ANKRD53: variants seen among roughly 807,000 people sequenced by gnomAD.
ANKRD53 encodes ankyrin repeat domain-containing protein 53.
In ANKRD53, 27 loss-of-function variants were observed where a neutral mutation model predicts 30.1. That is an observed-to-expected ratio of 0.90 (90% CI 0.66 to 1.24). ANKRD53 has a LOEUF of 1.24. Ranked by LOEUF, ANKRD53 falls within the 50% of genes most tolerant of loss-of-function variation. The pLI is 0.00. For synonymous variants in ANKRD53, 286 were observed against 295.4 expected (o/e 0.97, Z 0.33); for missense variants, 682 against 721.0 (o/e 0.95, Z 0.62).
At position 70,982,439 on chromosome 2, in the gene ANKRD53, G is replaced by C; in HGVS notation, c.783-138G>C. Reference sequence around the variant, plus strand: ...GGGAGCCAGAGGGCCCCGGGCAATGGGGATGGCTCATCTTGCTCCTCTCCC... The same window carrying C: ...GGGAGCCAGAGGGCCCCGGGCAATGCGGATGGCTCATCTTGCTCCTCTCCC... On this transcript the variant is annotated intron_variant, in intron 4 of 5. Transcript: ENST00000360589. This position sits in a 1 kb window ranked among gnomAD's most constrained non-coding sequence, Gnocchi z 4.2. The C allele has an allele frequency of 8.0e-7, 1 of 1,252,558 alleles. No homozygotes were observed. Among genetic ancestry groups the C allele is most frequent in the Non-Finnish European group, 1.1e-6 (1 of 902,826 alleles). The allele number at this position is 1,252,558 out of a possible 1,614,324, so 77.6% of individuals were successfully genotyped here.
At chr2:70,979,420 G>A in intron 2 of ANKRD53, 77 bp downstream of exon 2, 2 of 1,590,228 alleles carry the variant, frequency 1.3e-6, no homozygotes, top group East Asian at 2.3e-5. Flanking sequence ...CTGGAGAAGA[G>A]ATATCCTTTT....
intron 5 of ANKRD53, chr2:70,983,997 AGTTG>A (rs1229589729): frequency 2.5e-6 from 2 of 815,906 alleles, no homozygotes; most frequent in East Asian, 2.5e-5. Flanking sequence ...AGCTAGATTG[AGTTG>A]CTGCCACCGG....
Position 70,981,970 on chromosome 2 carries a change from G to A in ANKRD53, c.652G>A (p.Ala218Thr). 1 of 1,608,560 alleles carries A rather than the reference G, an allele frequency of 6.2e-7. No homozygotes were observed. The highest frequency in any genetic ancestry group is 8.5e-7 in the Non-Finnish European group (1 of 1,177,242). The change falls in exon 4 of 6, where the codon GCA becomes ACA. Residue 218 changes from alanine to threonine, a missense_variant. Ala to Thr is a moderately conservative substitution (Grantham distance 58). Transcript: ENST00000360589. Reference sequence around the variant, plus strand: ...CAACGGCTCCACGCCCCTGCACCTGGCAGCCCGTGACGGCTTGCTGGACTG... The same window carrying A: ...CAACGGCTCCACGCCCCTGCACCTGACAGCCCGTGACGGCTTGCTGGACTG... ...TCNGSTPLHL[A>T]ARDGLLDCVK...
At chr2:70,984,205 T>C (rs1553424179) in intron 5 of ANKRD53, 1 of 1,614,224 alleles carries the variant, frequency 6.2e-7, no homozygotes, top group Non-Finnish European at 8.5e-7. Context: ...ATTTCTCTAC[T>C]ATCAGACTGT....
intron 2 of ANKRD53, 141 bp downstream of exon 2, chr2:70,979,484 G>T: frequency 1.4e-6 from 2 of 1,478,490 alleles, no homozygotes; most frequent in South Asian, 2.7e-5. Context: ...GGACCATTTT[G>T]GGGGCAGGGA....
In ANKRD53 at chr2:70,979,253, C is replaced by CT. The variant is rs1553423049; in HGVS notation, c.328dup (p.Tyr110LeufsTer65). ...TCGACCAGACGGCGATCGGGAGCTA[C>CT]TACCAGCTGTTCGCAGCGGCTGTGG... On this transcript the variant is annotated frameshift_variant, in exon 2 of 6. Transcript: ENST00000360589. LOFTEE classifies it high-confidence loss of function. 6.2e-7 allele frequency: 1 copy of CT among 1,613,716 alleles called. No individual in the cohort carries two copies. Among genetic ancestry groups the CT allele is most frequent in the Non-Finnish European group, 8.5e-7 (1 of 1,180,026 alleles).
In ANKRD53 at chr2:70,984,679, C is replaced by T. The variant is rs61750014; in HGVS notation, c.972C>T (p.His324=). The change falls in exon 6 of 6, where the codon CAC becomes CAT. Residue 324 remains histidine, a synonymous_variant. Transcript: ENST00000360589. ...TCCACGGCAAGCTGCACCCAGGCCA[C>T]TCTCTGGTCTCCAATACCAAGCAAG... ...KWLHGKLHPG[H]SLVSNTKQAR... 2,778 of 1,614,170 alleles carry T rather than the reference C, an allele frequency of 1.7e-3. 12 individuals carry two copies. The Middle Eastern group carries it at 0.023, about 13-fold the overall frequency.
intron 5 of ANKRD53, chr2:70,984,370 C>A (rs1670106492): frequency 6.3e-7 from 1 of 1,585,092 alleles, no homozygotes. Flanking sequence ...GGGAGAGGTG[C>A]TTTGTCTCCC....
In ANKRD53 at chr2:70,984,743, G is replaced by T. The variant is rs1553424368; in HGVS notation, c.1036G>T (p.Glu346Ter). ...CCTCTCCAAGACCCCAGAGCAACGG[G>T]AATCGCAGCGTTCCAGGAGCTTCCA... ...TALSKTPEQR[E>*]SQRSRSFHPS... The change falls in exon 6 of 6, where the codon GAA (glutamate) becomes TAA (stop). Residue 346 changes from glutamate (E) to a stop codon, truncating the protein, a stop_gained. Transcript: ENST00000360589. LOFTEE classifies it low-confidence loss of function (END_TRUNC). 3.8e-6 allele frequency: 6 copies of T among 1,597,464 alleles called. No individual in the cohort carries two copies. The South Asian group carries it at 6.7e-5, about 18-fold the overall frequency.
At chr2:70,984,009 C>T (rs954281427) in intron 5 of ANKRD53, 9 of 948,206 alleles carry the variant, frequency 9.5e-6, no homozygotes, top group East Asian at 2.4e-5. Context: ...TTGCTGCCAC[C>T]GGGCCTGGAG....
At chr2:70,979,968 G>T in intron 3 of ANKRD53, 108 bp downstream of exon 3, 1 of 1,309,760 alleles carries the variant, frequency 7.6e-7, no homozygotes, top group South Asian at 1.3e-5. Context: ...TGCTGGAGGT[G>T]ACAAGGATTG....
In ANKRD53 at chr2:70,982,503, G is replaced by A. The variant is rs1280794847; in HGVS notation, c.783-74G>A. On this transcript the variant is annotated intron_variant, in intron 4 of 5. Coordinates refer to ENST00000360589, the MANE Select transcript of ANKRD53 (RefSeq NM_001115116.2). The surrounding 1 kb of genome is among the most constrained non-coding windows in gnomAD (Gnocchi z 4.2). ...CTCATCCCCATCCAAGCCCTCAGCA[G>A]CAGCCAGTCTTCCCAGCCCAGGTGG... 10 of 1,584,120 alleles carry A rather than the reference G, an allele frequency of 6.3e-6. No individual in the cohort carries two copies. The highest frequency in any genetic ancestry group is 6.0e-6 in the Non-Finnish European group (7 of 1,161,612).
At chr2:70,978,615 G>A (rs2104846792), upstream of ANKRD53, 2 of 1,502,974 alleles carry the variant, frequency 1.3e-6, no homozygotes, top group African/African-American at 1.5e-5. The surrounding 1 kb of genome is among the most constrained non-coding windows in gnomAD (Gnocchi z 4.3). Flanking sequence ...TGAGTAGCCC[G>A]CCCGGCCCGG....
Position 70,982,393 on chromosome 2 carries a change from G to C in ANKRD53, c.783-184G>C. 1 of 884,322 alleles carries C rather than the reference G, an allele frequency of 1.1e-6. No homozygotes were observed. 54.8% of individuals were successfully genotyped at this position (884,322 alleles called of 1,614,324 possible). A position where few individuals can be genotyped will look rare whatever the true frequency, so the allele number is the denominator to read the frequency against. On this transcript the variant is annotated intron_variant, in intron 4 of 5. Coordinates refer to ENST00000360589, the MANE Select transcript of ANKRD53 (RefSeq NM_001115116.2). This position sits in a 1 kb window ranked among gnomAD's most constrained non-coding sequence, Gnocchi z 4.2. ...GGTGACCAGGTCATCAAGGACTTTC[G>C]TCTTTCACCTAAAGGAAGTAGGGAG...
At position 70,982,133 on chromosome 2, in the gene ANKRD53, A is replaced by T; in HGVS notation, c.782+33A>T. On this transcript the variant is annotated intron_variant, in intron 4 of 5. Coordinates refer to ENST00000360589, the MANE Select transcript of ANKRD53 (RefSeq NM_001115116.2). The surrounding 1 kb of genome is among the most constrained non-coding windows in gnomAD (Gnocchi z 4.2). The stretch of plus-strand genomic sequence containing the variant: ...TGTGAGAACCACCTGGAGCCTGCCC[A>T]CCCCCTTCCCCTCCCCCAGCCTTTT... 6.4e-7 allele frequency: 1 copy of T among 1,556,172 alleles called. No homozygotes were observed.
intron 2 of ANKRD53, 56 bp downstream of exon 2, chr2:70,979,399 G>A (rs1024568842): frequency 8.1e-6 from 13 of 1,605,422 alleles, no homozygotes; most frequent in African/African-American, 2.7e-5. Context: ...TACGCTGCTC[G>A]GAGTGGTCAC....
intron 3 of ANKRD53, among the ~76,000 whole-genome samples, chr2:70,980,901 G>A (rs1191577972): frequency 6.6e-6 from 1 of 151,880 alleles, no homozygotes; most frequent in Non-Finnish European, 1.5e-5. Flanking sequence ...AGCCAAGATC[G>A]TGCCACTGCA....
chr2:70,981,516 T>G (rs1304747272), intron 3 of ANKRD53, among the ~76,000 whole-genome samples: 1 of 152,136 alleles, frequency 6.6e-6, no homozygotes, highest in Non-Finnish European at 1.5e-5. Context: ...TAACATCATA[T>G]GCAAAGACCA....
intron 5 of ANKRD53, 95 bp from the exon 6 acceptor site, chr2:70,984,516 C>A: frequency 1.3e-6 from 2 of 1,544,790 alleles, no homozygotes; most frequent in South Asian, 1.3e-5. Flanking sequence ...ATCCTTCAGA[C>A]TGTGGTTTCC....
Sources: allele counts gnomAD v4.1 joint callset (sites outside exome capture counted in the v4.1 genomes callset), GRCh38; gene constraint gnomAD v4.1.1; non-coding constraint Gnocchi (gnomAD v3.1); transcripts MANE v1.5; gene names NCBI Gene and HGNC (gene_info 2026-07-23, HGNC 2026-07-21).